The following CAMK1D variants were observed in gnomAD, a reference collection of about 807,000 sequenced individuals.
CAMK1D encodes calcium/calmodulin-dependent protein kinase type 1D.
A neutral mutation model predicts 47.7 loss-of-function variants in CAMK1D; 9 were observed. That is an observed-to-expected ratio of 0.19 (90% CI 0.11 to 0.33). The LOEUF (loss-of-function observed/expected upper bound fraction) is 0.33. Ranked by LOEUF, CAMK1D falls within the 10% of genes least tolerant of loss-of-function variation. CAMK1D has a pLI of 1.00. For synonymous variants in CAMK1D, 184 were observed against 184.9 expected, an observed-to-expected ratio of 0.99 and a Z score of 0.04; for missense variants, 291 against 488.7, an observed-to-expected ratio of 0.60 and a Z score of 3.81.
At chr10:12,569,955 A>G (rs1298933924) in intron 2 of CAMK1D, among the ~76,000 whole-genome samples, 2 of 152,164 alleles carry the variant, frequency 1.3e-5, no homozygotes, top group Non-Finnish European at 2.9e-5. Context: ...TAATCCCAGC[A>G]CTTTGGGAGG....
At chr10:12,492,709 C>A (rs1337183731) in intron 1 of CAMK1D, among the ~76,000 whole-genome samples, 1 of 152,220 alleles carries the variant, frequency 6.6e-6, no homozygotes, top group African/African-American at 2.4e-5. Flanking sequence ...TGGTGACACT[C>A]ACCATTTAAG....
chr10:12,364,230 G>A (rs1253704827), intron 1 of CAMK1D, among the ~76,000 whole-genome samples: 2 of 142,718 alleles, frequency 1.4e-5, no homozygotes, highest in African/African-American at 2.6e-5. Flanking sequence ...ACTCCAATGC[G>A]CATTCTCTTT....
chr10:12,360,334 A>G (rs984339612), intron 1 of CAMK1D, among the ~76,000 whole-genome samples: 3 of 152,196 alleles, frequency 2.0e-5, no homozygotes, highest in African/African-American at 4.8e-5. Context: ...CCTTCGTACA[A>G]GGCCCAAAGT....
At chr10:12,492,185 C>A (rs1564371053) in intron 1 of CAMK1D, among the ~76,000 whole-genome samples, 1 of 152,020 alleles carries the variant, frequency 6.6e-6, no homozygotes, top group African/African-American at 2.4e-5. Context: ...GCTGTTGCGG[C>A]TGCAGGCCTG....
At chr10:12,806,411 A>G (rs559017783) in intron 6 of CAMK1D, among the ~76,000 whole-genome samples, 19 of 152,278 alleles carry the variant, frequency 1.2e-4, no homozygotes, top group African/African-American at 4.3e-4. Flanking sequence ...CTGTAGATGC[A>G]GGTCACACCT....
intron 2 of CAMK1D, among the ~76,000 whole-genome samples, chr10:12,596,894 T>C (rs2132377203): frequency 6.6e-6 from 1 of 152,286 alleles, no homozygotes; most frequent in Admixed American, 6.5e-5. Context: ...TTTAGGTGTC[T>C]TTATTAACAT....
chr10:12,588,678 G>A (rs77820308), intron 2 of CAMK1D, among the ~76,000 whole-genome samples: 9,809 of 151,930 alleles, frequency 0.065, 434 homozygotes, highest in African/African-American at 0.12. Flanking sequence ...TGTTGTACCC[G>A]ACATCCAAGA....
chr10:12,817,625 C>T (rs1378796839), intron 8 of CAMK1D, among the ~76,000 whole-genome samples: 6 of 152,160 alleles, frequency 3.9e-5, no homozygotes, highest in African/African-American at 1.4e-4. Context: ...GGAGATAATG[C>T]ATGTAGAGGG....
intron 3 of CAMK1D, among the ~76,000 whole-genome samples, chr10:12,690,278 A>C (rs1832826154): frequency 6.6e-6 from 1 of 152,136 alleles, no homozygotes; most frequent in Non-Finnish European, 1.5e-5. Context: ...TTCATATCTC[A>C]GTATCTATTA....
chr10:12,671,768 TC>T (rs2132571400), intron 3 of CAMK1D, among the ~76,000 whole-genome samples: 1 of 152,148 alleles, frequency 6.6e-6, no homozygotes, highest in Admixed American at 6.5e-5. Flanking sequence ...GCAAATGTAT[TC>T]CCCTATTCTG....
intron 1 of CAMK1D, among the ~76,000 whole-genome samples, chr10:12,523,969 G>A (rs113366923): frequency 0.07 from 10,632 of 151,978 alleles, 449 homozygotes; most frequent in East Asian, 0.16. Flanking sequence ...TCGGCTCACT[G>A]CAAGCTCTGC....
intron 1 of CAMK1D, among the ~76,000 whole-genome samples, chr10:12,449,232 C>T (rs532096738): frequency 1.3e-5 from 2 of 152,188 alleles, no homozygotes; most frequent in East Asian, 1.9e-4. Flanking sequence ...TGTGGCTTGT[C>T]TGCCATCCTC....
chr10:12,585,478 A>G (rs1837789073), intron 2 of CAMK1D, among the ~76,000 whole-genome samples: 1 of 152,220 alleles, frequency 6.6e-6, no homozygotes, highest in Non-Finnish European at 1.5e-5. Context: ...CGCTGCTGAT[A>G]AAGATATACT....
chr10:12,529,660 G>A (rs967843605), intron 1 of CAMK1D, among the ~76,000 whole-genome samples: 1 of 152,146 alleles, frequency 6.6e-6, no homozygotes, highest in Non-Finnish European at 1.5e-5. Context: ...ACACAGTGCC[G>A]GGTAGTCCCT....
chr10:12,732,109 C>T (rs559295459), intron 3 of CAMK1D, among the ~76,000 whole-genome samples: 9 of 152,176 alleles, frequency 5.9e-5, no homozygotes, highest in South Asian at 4.1e-4. Flanking sequence ...GGTGTGGTGG[C>T]GCGTGCCTGT....
At position 12,751,128 on chromosome 10, in the gene CAMK1D, A is replaced by AAGATAAGAT. The variant is rs1564535604; in HGVS notation, c.300-9820_300-9819insAGATAAGAT. Reference sequence around the variant, plus strand: ...TAAGATAAGATAAGATAAGATAAGAAGGCTTCAGAAGGCTTCTTTCGTGAG... The same window carrying AAGATAAGAT: ...TAAGATAAGATAAGATAAGATAAGAAAGATAAGATGGCTTCAGAAGGCTTCTTTCGTGAG... On this transcript the variant is annotated intron_variant, in intron 3 of 10. Transcript: ENST00000619168. Among the ~76,000 whole-genome samples, 6 of 145,172 alleles carry AAGATAAGAT rather than the reference A, an allele frequency of 4.1e-5. No homozygotes were observed. The East Asian group carries it at 6.3e-4, about 15-fold the overall frequency.
At chr10:12,451,419 T>C (rs2768337) in intron 1 of CAMK1D, among the ~76,000 whole-genome samples, 2,548 of 152,226 alleles carry the variant, frequency 0.017, 88 homozygotes, top group African/African-American at 0.058. Context: ...CTGTAGACAT[T>C]GGGAACCTGC....
intron 1 of CAMK1D, among the ~76,000 whole-genome samples, chr10:12,364,520 G>A (rs924666966): frequency 6.6e-6 from 1 of 152,080 alleles, no homozygotes; most frequent in Non-Finnish European, 1.5e-5. Context: ...TAGGATTACA[G>A]GCCTGAGCCA....
At chr10:12,395,788 A>G (rs1247364275) in intron 1 of CAMK1D, among the ~76,000 whole-genome samples, 2 of 151,760 alleles carry the variant, frequency 1.3e-5, no homozygotes, top group East Asian at 4.0e-4. Context: ...TTAGCCGGGC[A>G]TGGTGGTGCG....
Sources: gnomAD v4.1 joint callset for allele counts (sites outside exome capture counted in the v4.1 genomes callset) on GRCh38, gnomAD v4.1.1 for gene constraint, MANE v1.5 for transcripts, NCBI Gene and HGNC (gene_info 2026-07-23, HGNC 2026-07-21) for gene names.